FABP12: variants seen among roughly 807,000 people sequenced by gnomAD.
FABP12 encodes fatty acid binding protein 12.
A neutral mutation model predicts 13.7 loss-of-function variants in FABP12; 19 were observed. That is an observed-to-expected ratio of 1.39 (90% confidence interval 0.97 to 2.04). FABP12 has a LOEUF of 2.04. Ranked by LOEUF, FABP12 falls within the 30% of genes most tolerant of loss-of-function variation. The probability of loss-of-function intolerance (pLI) is 0.00; values close to 1 mark genes in which losing one functional copy is unlikely to be tolerated. For synonymous variants in FABP12, 61 were observed against 57.0 expected, an observed-to-expected ratio of 1.07 and a Z score of -0.32; for missense variants, 182 against 164.2, an observed-to-expected ratio of 1.11 and a Z score of -0.59.
chr8:81,562,372 C>T (rs1563553184), intron 1 of FABP12, among the ~76,000 whole-genome samples: 1 of 152,138 alleles, frequency 6.6e-6, no homozygotes, highest in Non-Finnish European at 1.5e-5. Context: ...GGAGGGACCC[C>T]TTCTGCTTGA....
At chr8:81,539,433 C>CTTTTTTTTTTTTTTTTTTTTTTT (rs35386904) in intron 2 of FABP12, among the ~76,000 whole-genome samples, 1 of 50,018 alleles carries the variant, frequency 2.0e-5, no homozygotes, top group African/African-American at 8.0e-5. Flanking sequence ...TTCTTTAGTT[C>CTTTTTTTTTTTTTTTTTTTTTTT]TTTTTTTTTT....
chr8:81,534,991 C>A (rs1213571698), upstream of FABP12, among the ~76,000 whole-genome samples: 1 of 152,028 alleles, frequency 6.6e-6, no homozygotes, highest in Non-Finnish European at 1.5e-5. Flanking sequence ...CATGCAAATG[C>A]AAATGGTTTC....
chr8:81,556,879 CTTTT>C (rs11338781), intron 1 of FABP12, among the ~76,000 whole-genome samples: 1 of 109,266 alleles, frequency 9.2e-6, no homozygotes, highest in South Asian at 3.1e-4. Context: ...AAGTGTACAT[CTTTT>C]TTTTTTTTTT....
chr8:81,571,876 C>T (rs1809937760), intron 1 of FABP12, among the ~76,000 whole-genome samples: 3 of 152,216 alleles, frequency 2.0e-5, no homozygotes, highest in Admixed American at 2.0e-4. Context: ...ATTCTTGAGT[C>T]TATCATAACA....
At chr8:81,580,679 T>C (rs1008275737) in intron 1 of FABP12, among the ~76,000 whole-genome samples, 2 of 152,298 alleles carry the variant, frequency 1.3e-5, no homozygotes, top group East Asian at 1.9e-4. Flanking sequence ...ATCTAGTCTC[T>C]TGGAGTTTCC....
intron 1 of FABP12, among the ~76,000 whole-genome samples, chr8:81,553,003 G>T (rs1411596945): frequency 6.6e-6 from 1 of 152,144 alleles, no homozygotes; most frequent in Non-Finnish European, 1.5e-5. Flanking sequence ...AAAGTTCGGG[G>T]CTAGGGATTT....
intron 1 of FABP12, among the ~76,000 whole-genome samples, chr8:81,569,299 T>C (rs1161632572): frequency 2.0e-5 from 3 of 152,244 alleles, no homozygotes; most frequent in Non-Finnish European, 4.4e-5. Context: ...CTTAATCAGA[T>C]AGATGTTTCT....
At chr8:81,528,236 C>T (rs1279642843) in intron 3 of FABP12, among the ~76,000 whole-genome samples, 1 of 152,050 alleles carries the variant, frequency 6.6e-6, no homozygotes, top group Admixed American at 6.6e-5. Flanking sequence ...CGCACCACCA[C>T]AGTGGCTAAT....
At chr8:81,546,941 C>T (rs1471490275) in intron 1 of FABP12, among the ~76,000 whole-genome samples, 1 of 152,166 alleles carries the variant, frequency 6.6e-6, no homozygotes, top group Admixed American at 6.5e-5. Flanking sequence ...AGCATTTTTC[C>T]TCAGGCTGTT....
intron 1 of FABP12, among the ~76,000 whole-genome samples, chr8:81,557,235 G>C (rs954677181): frequency 7.2e-5 from 11 of 152,084 alleles, no homozygotes; most frequent in Admixed American, 1.3e-4. Context: ...TTTTGAAATA[G>C]TCTTCCTCAT....
chr8:81,582,719 A>C (rs1317128026), intron 1 of FABP12, among the ~76,000 whole-genome samples: 3 of 152,136 alleles, frequency 2.0e-5, no homozygotes, highest in Non-Finnish European at 2.9e-5. Context: ...AAATATTACT[A>C]GATTTAAAGG....
Position 81,571,691 on chromosome 8 carries a change from A to G in FABP12, c.-185+18362T>C, listed in dbSNP as rs78871237. ...AACCAACTTTTTCAGAACATCATCAATGTTTTCCTGTGCTCCAGTTGTCAA... is the reference window on the plus strand; with the variant it reads ...AACCAACTTTTTCAGAACATCATCAGTGTTTTCCTGTGCTCCAGTTGTCAA... On this transcript the variant is annotated intron_variant, in intron 1 of 5. Transcript: ENST00000692030. 4.8e-4 allele frequency among the ~76,000 whole-genome samples: 73 copies of G among 152,314 alleles called. No individual in the cohort carries two copies. In the East Asian group the frequency reaches 0.011, roughly 23 times the overall value.
At chr8:81,548,537 C>A (rs1809474685) in intron 1 of FABP12, among the ~76,000 whole-genome samples, 1 of 152,086 alleles carries the variant, frequency 6.6e-6, no homozygotes, top group Non-Finnish European at 1.5e-5. Flanking sequence ...GTAGGATATA[C>A]CTTTGACTAA....
At chr8:81,580,823 A>G (rs1810145440) in intron 1 of FABP12, among the ~76,000 whole-genome samples, 1 of 141,320 alleles carries the variant, frequency 7.1e-6, no homozygotes, top group Non-Finnish European at 1.5e-5. Context: ...TTGTTCATCC[A>G]GAAAGGGAAG....
exon 1 of FABP12, among the ~76,000 whole-genome samples, chr8:81,533,926 C>T (rs532551891): frequency 6.6e-6 from 1 of 152,278 alleles, no homozygotes; most frequent in African/African-American, 2.4e-5. Context: ...TCATAATGGA[C>T]ACTTCCAGAT....
chr8:81,565,568 G>C (rs1026265368), intron 1 of FABP12, among the ~76,000 whole-genome samples: 1 of 151,952 alleles, frequency 6.6e-6, no homozygotes, highest in Admixed American at 6.5e-5. Flanking sequence ...ACGTGTTGTT[G>C]AATGACCAGT....
At chr8:81,525,597 G>A (rs775293281) in intron 4 of FABP12, among the ~76,000 whole-genome samples, 13 of 151,994 alleles carry the variant, frequency 8.6e-5, no homozygotes, top group Non-Finnish European at 1.9e-4. Context: ...ACTATAGATA[G>A]GACCTATCTG....
intron 1 of FABP12, among the ~76,000 whole-genome samples, chr8:81,567,283 G>A (rs1294220940): frequency 2.6e-5 from 4 of 152,070 alleles, no homozygotes; most frequent in South Asian, 2.1e-4. Flanking sequence ...AAATACCAAC[G>A]ATCTGCACAG....
chr8:81,563,714 G>A lies in FABP12; in HGVS notation c.-184-23971C>T, dbSNP rs146868702. Among the ~76,000 whole-genome samples the A allele has an allele frequency of 8.4e-4, 128 of 152,138 alleles. 1 individual carries two copies. Among genetic ancestry groups the A allele is most frequent in the African/African-American group, 3.0e-3 (123 of 41,518 alleles). ...AAAGAATTAGTGATCTTGAAGGCAGGCTATTTGAAAATACACAGTCAACAG... is the reference window on the plus strand; with the variant it reads ...AAAGAATTAGTGATCTTGAAGGCAGACTATTTGAAAATACACAGTCAACAG... On this transcript the variant is annotated intron_variant, in intron 1 of 5. Transcript: ENST00000692030.
Sources: allele counts gnomAD v4.1 joint callset (sites outside exome capture counted in the v4.1 genomes callset), GRCh38; gene constraint gnomAD v4.1.1; transcripts MANE v1.5; gene names NCBI Gene and HGNC (gene_info 2026-07-23, HGNC 2026-07-21).